Variants in GNAI3 observed in about 807,000 individuals in gnomAD.
GNAI3 encodes guanine nucleotide-binding protein G(i) subunit alpha-3.
Under a neutral mutation model 41.8 loss-of-function variants are expected in GNAI3, and 12 were observed. The observed-to-expected ratio is 0.29, with a 90% CI of 0.18 to 0.47. The LOEUF is 0.47. Among genes scored for constraint, GNAI3 ranks in the 20% least tolerant of loss-of-function variants. The probability of loss-of-function intolerance (pLI) is 1.00; values close to 1 mark genes in which losing one functional copy is unlikely to be tolerated. For missense variants in GNAI3, 360 were observed against 429.6 expected (o/e 0.84, Z 1.43); for synonymous variants, 132 against 146.5 (o/e 0.90, Z 0.71).
Position 109,586,612 on chromosome 1 carries a change from T to G in GNAI3, c.721-117T>G, listed in dbSNP as rs3737181. 966 of 760,480 alleles carry G rather than the reference T, an allele frequency of 1.3e-3. 15 individuals are homozygous for G. In the East Asian group the frequency reaches 0.024, roughly 19 times the overall value. The allele number at this position is 760,480 out of a possible 1,614,324, so 47.1% of individuals were successfully genotyped here. On this transcript the variant is annotated intron_variant, in intron 6 of 8. Transcript: ENST00000369851. ...CACTCAACTTTATCTTATTGGTGTT[T>G]GACTTATTTCCGTGAATGCCATTTA... is the stretch of plus-strand genomic sequence containing the variant.
At chr1:109,562,768 A>G (rs1457963195) in intron 1 of GNAI3, among the ~76,000 whole-genome samples, 1 of 152,178 alleles carries the variant, frequency 6.6e-6, no homozygotes, top group Non-Finnish European at 1.5e-5. Flanking sequence ...TCGATGTTAG[A>G]GGGCCCTAGG....
intron 3 of GNAI3, among the ~76,000 whole-genome samples, chr1:109,578,568 C>G (rs1041785976): frequency 1.3e-5 from 2 of 151,276 alleles, no homozygotes; most frequent in Non-Finnish European, 2.9e-5. Context: ...CCCTTCCTTT[C>G]CCTCTCTCAG....
At chr1:109,563,019 A>G (rs1369608893) in intron 1 of GNAI3, among the ~76,000 whole-genome samples, 1 of 152,240 alleles carries the variant, frequency 6.6e-6, no homozygotes, top group African/African-American at 2.4e-5. Context: ...ATATATAAAT[A>G]CTACGTAATT....
chr1:109,592,528 AC>A lies in GNAI3; in HGVS notation c.*207del, dbSNP rs1343344126. The A allele has an allele frequency of 3.0e-5, 7 of 232,048 alleles. No individual in the cohort carries two copies. In the East Asian group the frequency reaches 5.0e-4, roughly 17 times the overall value. The allele number at this position is 232,048 out of a possible 1,614,324, so 14.4% of individuals were successfully genotyped here. ...AAAGTCAGACATTGGAATTGGAAGA[AC>A]TATAAAGTGTGATTCGATCGTCAAG... On this transcript the variant is annotated 3_prime_UTR_variant, in exon 9 of 9. Transcript: ENST00000369851.
At chr1:109,555,987 T>C (rs967344548) in intron 1 of GNAI3, among the ~76,000 whole-genome samples, 9 of 119,212 alleles carry the variant, frequency 7.5e-5, no homozygotes, top group East Asian at 2.8e-4. Context: ...TGTGTGTGTG[T>C]GTGTGTGTGT....
intron 1 of GNAI3, among the ~76,000 whole-genome samples, chr1:109,556,414 T>C (rs116615252): frequency 1.6e-3 from 242 of 152,274 alleles, no homozygotes; most frequent in African/African-American, 5.4e-3. Flanking sequence ...GGAAAATCAG[T>C]AGCTGTGCAA....
Position 109,573,886 on chromosome 1 carries a change from T to C in GNAI3, c.162-10T>C, listed in dbSNP as rs1257863912. The C allele has an allele frequency of 6.2e-7, 1 of 1,609,970 alleles. No homozygotes were observed. The highest frequency in any genetic ancestry group is 8.5e-7 in the Non-Finnish European group (1 of 1,177,616). ...CATGGTATTGACTTGTGGTTTTCTT[T>C]GTTTTAAAGAATCATTCATGAGGAT... On this transcript the variant is annotated splice_polypyrimidine_tract_variant and intron_variant, in intron 2 of 8. Coordinates refer to ENST00000369851, the MANE Select transcript of GNAI3 (RefSeq NM_006496.4).
At chr1:109,563,725 G>T (rs1648375419) in intron 1 of GNAI3, among the ~76,000 whole-genome samples, 3 of 152,080 alleles carry the variant, frequency 2.0e-5, no homozygotes, top group African/African-American at 7.3e-5. Context: ...ATAGTGCCAT[G>T]TAAGTTATGG....
chr1:109,582,331 A>G, intron 4 of GNAI3, 106 bp from the exon 5 acceptor site: 1 of 763,796 alleles, frequency 1.3e-6, no homozygotes, highest in Non-Finnish European at 2.2e-6. Context: ...CTGTTTTGCC[A>G]CTTAATAACT....
At chr1:109,563,051 T>A (rs1648359177) in intron 1 of GNAI3, among the ~76,000 whole-genome samples, 2 of 152,158 alleles carry the variant, frequency 1.3e-5, no homozygotes. Context: ...TCAAAATGGC[T>A]TTTTGCTGCC....
At chr1:109,567,406 A>G (rs1225687913) in intron 1 of GNAI3, among the ~76,000 whole-genome samples, 4 of 152,250 alleles carry the variant, frequency 2.6e-5, no homozygotes, top group Admixed American at 2.6e-4. Context: ...GGAAGGTTCA[A>G]GGAAAAGCTA....
chr1:109,586,089 C>T (rs906829475), intron 5 of GNAI3, 127 bp from the exon 6 acceptor site: 12 of 668,660 alleles, frequency 1.8e-5, no homozygotes, highest in Non-Finnish European at 4.8e-6. Flanking sequence ...TGCATTTAAT[C>T]TATTCTTTTT....
chr1:109,588,095 A>G (rs576583108), intron 7 of GNAI3, among the ~76,000 whole-genome samples: 1 of 152,308 alleles, frequency 6.6e-6, no homozygotes, highest in South Asian at 2.1e-4. Context: ...AAAAGATCAG[A>G]CTAGGCTGGG....
intron 3 of GNAI3, among the ~76,000 whole-genome samples, chr1:109,575,450 T>C (rs17517088): frequency 0.037 from 5,663 of 151,912 alleles, 184 homozygotes; most frequent in Admixed American, 0.1. Flanking sequence ...ATTTATTCTT[T>C]TAGTTTGTCC....
intron 1 of GNAI3, among the ~76,000 whole-genome samples, chr1:109,555,379 A>G (rs376736673): frequency 6.6e-5 from 10 of 152,356 alleles, no homozygotes; most frequent in African/African-American, 2.2e-4. Context: ...AATAAAGCCA[A>G]ATAACTTCCA....
At chr1:109,550,638 A>G (rs964781283) in intron 1 of GNAI3, among the ~76,000 whole-genome samples, 3 of 151,428 alleles carry the variant, frequency 2.0e-5, no homozygotes, top group African/African-American at 7.3e-5. Flanking sequence ...GGTTCACGCC[A>G]TTCTCCTGCC....
chr1:109,579,206 T>G lies in GNAI3; in HGVS notation c.306T>G (p.Asp102Glu). Residue 102 changes from aspartate (D) to glutamate (E), a missense_variant and splice_region_variant, in exon 4 of 9, where the codon GAT becomes GAG. Transcript: ENST00000369851. The part of the protein sequence containing the change: ...KIDFGEAARA[D>E]DARQLFVLAG... ...TCTTTCTTAACTGCTTTCTTCAGGA[T>G]GATGCCCGGCAATTATTTGTTTTAG... 6.2e-7 allele frequency: 1 copy of G among 1,611,114 alleles called. No homozygotes were observed. The highest frequency in any genetic ancestry group is 1.1e-5 in the South Asian group (1 of 90,530).
In GNAI3 at chr1:109,586,311, A is replaced by G. The variant is rs1160711205; in HGVS notation, c.686A>G (p.Asp229Gly). 1.2e-6 allele frequency: 2 copies of G among 1,613,392 alleles called. No individual in the cohort carries two copies. The highest frequency in any genetic ancestry group is 8.5e-7 in the Non-Finnish European group (1 of 1,179,540). Reference sequence around the variant, plus strand: ...ATTATCTTCTGTGTGGCCCTCAGTGATTATGACCTTGTTCTGGCTGAGGAC... The same window carrying G: ...ATTATCTTCTGTGTGGCCCTCAGTGGTTATGACCTTGTTCTGGCTGAGGAC... The part of the protein sequence containing the change: ...TAIIFCVALS[D>G]YDLVLAEDEE... Residue 229 changes from aspartate (D) to glycine (G), a missense_variant, in exon 6 of 9, where the codon GAT becomes GGT. Coordinates refer to ENST00000369851, the MANE Select transcript of GNAI3 (RefSeq NM_006496.4).
intron 4 of GNAI3, among the ~76,000 whole-genome samples, chr1:109,580,961 A>G (rs576945813): frequency 6.0e-4 from 91 of 152,348 alleles, no homozygotes; most frequent in Non-Finnish European, 1.2e-3. Flanking sequence ...AAGTATTGAT[A>G]GCTTAAATAA....
Sources: allele counts gnomAD v4.1 joint callset (sites outside exome capture counted in the v4.1 genomes callset), GRCh38; gene constraint gnomAD v4.1.1; transcripts MANE v1.5; gene names NCBI Gene and HGNC (gene_info 2026-07-23, HGNC 2026-07-21).